The following ANO3 variants were observed in gnomAD, a reference collection of about 807,000 sequenced individuals.
ANO3 encodes anoctamin-3.
A neutral mutation model predicts 144.8 loss-of-function variants in ANO3; 99 were observed. The observed-to-expected ratio is 0.68, with a 90% CI of 0.58 to 0.81. The LOEUF is 0.81. Among genes scored for constraint, ANO3 ranks in the 30% least tolerant of loss-of-function variants. The pLI is 0.00. For synonymous variants in ANO3, 414 were observed against 392.6 expected, an observed-to-expected ratio of 1.05 and a Z score of -0.64; for missense variants, 905 against 1,202.2, an observed-to-expected ratio of 0.75 and a Z score of 3.66.
At chr11:26,220,426 G>T (rs552428216) in intron 1 of ANO3, among the ~76,000 whole-genome samples, 3 of 152,158 alleles carry the variant, frequency 2.0e-5, no homozygotes, top group Admixed American at 1.3e-4. Flanking sequence ...TCCAGCCTGT[G>T]GGCCTGCTTC....
intron 3 of ANO3, among the ~76,000 whole-genome samples, chr11:26,461,381 C>T (rs114053973): frequency 0.011 from 1,720 of 152,140 alleles, 35 homozygotes; most frequent in African/African-American, 0.039. Flanking sequence ...AACTGCCTCA[C>T]TCTTTATATC....
intron 4 of ANO3, among the ~76,000 whole-genome samples, chr11:26,472,866 G>T (rs1859832883): frequency 6.6e-6 from 1 of 151,836 alleles, no homozygotes; most frequent in Non-Finnish European, 1.5e-5. Context: ...AATTATCACT[G>T]TAGAGAAGAA....
intron 1 of ANO3, among the ~76,000 whole-genome samples, chr11:26,393,047 T>G (rs1856922294): frequency 1.3e-5 from 2 of 152,172 alleles, no homozygotes; most frequent in Non-Finnish European, 2.9e-5. Context: ...GCTGTTAATA[T>G]GCAGAAAGGC....
At chr11:26,261,485 A>AT (rs1184886756) in intron 1 of ANO3, among the ~76,000 whole-genome samples, 1 of 152,116 alleles carries the variant, frequency 6.6e-6, no homozygotes, top group Non-Finnish European at 1.5e-5. Context: ...TGCCCTGTTT[A>AT]TTTTACCTTT....
At chr11:26,389,491 T>C (rs915316788) in intron 1 of ANO3, among the ~76,000 whole-genome samples, 20 of 151,894 alleles carry the variant, frequency 1.3e-4, no homozygotes, top group African/African-American at 4.6e-4. Context: ...TTTAGCACAA[T>C]ATAAATATAT....
chr11:26,456,892 G>C (rs1859183198), intron 3 of ANO3, among the ~76,000 whole-genome samples: 1 of 144,988 alleles, frequency 6.9e-6, no homozygotes, highest in Admixed American at 6.9e-5. Context: ...ATACTATGCA[G>C]CCATAAAAAA....
chr11:26,478,877 G>T (rs1205972112), intron 4 of ANO3, among the ~76,000 whole-genome samples: 2 of 152,168 alleles, frequency 1.3e-5, no homozygotes, highest in African/African-American at 4.8e-5. Context: ...TCTGTCTTCA[G>T]GCTATAAAAG....
chr11:26,442,627 C>T (rs537112310), intron 2 of ANO3, among the ~76,000 whole-genome samples: 199 of 152,258 alleles, frequency 1.3e-3, no homozygotes, highest in African/African-American at 4.6e-3. Flanking sequence ...CACAAAGAAA[C>T]GCTGTGGCTA....
chr11:26,427,992 A>G (rs1360268287), intron 1 of ANO3, among the ~76,000 whole-genome samples: 1 of 152,130 alleles, frequency 6.6e-6, no homozygotes, highest in Non-Finnish European at 1.5e-5. Context: ...GGTCCCTCCC[A>G]TGACACGTGG....
chr11:26,346,106 C>T (rs1855490036), intron 1 of ANO3, among the ~76,000 whole-genome samples: 1 of 152,114 alleles, frequency 6.6e-6, no homozygotes, highest in Non-Finnish European at 1.5e-5. Context: ...AGGCAAATCC[C>T]TATTTTATAA....
intron 1 of ANO3, 122 bp downstream of exon 1, chr11:26,332,443 T>G: frequency 1.4e-6 from 1 of 709,520 alleles, no homozygotes; most frequent in South Asian, 2.0e-5. Context: ...CTCTGTGAAG[T>G]TAAAAAAAAA....
intron 1 of ANO3, among the ~76,000 whole-genome samples, chr11:26,283,321 A>ATATATATATATATATATAT (rs1853722376): frequency 4.1e-5 from 2 of 49,130 alleles, no homozygotes; most frequent in Non-Finnish European, 8.1e-5. Flanking sequence ...CAAATAAATA[A>ATATATATATATATATATAT]ATATATATAT....
chr11:26,191,359 C>T (rs558259918), intron 1 of ANO3, among the ~76,000 whole-genome samples: 4 of 151,740 alleles, frequency 2.6e-5, no homozygotes, highest in African/African-American at 9.7e-5. Flanking sequence ...CACACACACA[C>T]ACATATATAT....
chr11:26,530,034 T>C (rs1334916352), intron 7 of ANO3, among the ~76,000 whole-genome samples: 1 of 152,122 alleles, frequency 6.6e-6, no homozygotes, highest in Admixed American at 6.5e-5. Context: ...TCAGTCCCTA[T>C]CCCAGGCCTA....
At chr11:26,645,019 TAA>T (rs903905421) in intron 23 of ANO3, among the ~76,000 whole-genome samples, 6 of 151,180 alleles carry the variant, frequency 4.0e-5, no homozygotes, top group African/African-American at 1.5e-4. Context: ...TTGACATTCT[TAA>T]AAAGGTACTT....
chr11:26,358,173 T>TATTTTTTTTTTTTTTTTTTTTTTTTG (rs202213152), intron 1 of ANO3, among the ~76,000 whole-genome samples: 1 of 111,146 alleles, frequency 9.0e-6, no homozygotes, highest in Non-Finnish European at 2.0e-5. Context: ...ATTTCAACTT[T>TATTTTTTTTTTTTTTTTTTTTTTTTG]TTTTTTTTTT....
chr11:26,459,603 C>CACAT (rs1859303276), intron 3 of ANO3, among the ~76,000 whole-genome samples: 1 of 151,910 alleles, frequency 6.6e-6, no homozygotes, highest in Non-Finnish European at 1.5e-5. Context: ...CACACACACA[C>CACAT]ACATACATAT....
At chr11:26,413,603 C>T (rs1322971367) in intron 1 of ANO3, among the ~76,000 whole-genome samples, 1 of 151,894 alleles carries the variant, frequency 6.6e-6, no homozygotes. Context: ...GAAACTGACT[C>T]CTTAATTTGG....
At chr11:26,440,930 G>A (rs1471614540) in intron 1 of ANO3, among the ~76,000 whole-genome samples, 4 of 152,080 alleles carry the variant, frequency 2.6e-5, no homozygotes, top group Middle Eastern at 3.4e-3. Context: ...GAGGAATGGA[G>A]ACAGGGAAGT....
Sources: gnomAD v4.1 joint callset for allele counts (sites outside exome capture counted in the v4.1 genomes callset) on GRCh38, gnomAD v4.1.1 for gene constraint, MANE v1.5 for transcripts, NCBI Gene and HGNC (gene_info 2026-07-23, HGNC 2026-07-21) for gene names.